PDE1A: variants seen among roughly 807,000 people sequenced by gnomAD.
The protein encoded by PDE1A is dual specificity calcium/calmodulin-dependent 3',5'-cyclic nucleotide phosphodiesterase 1A.
Under a neutral mutation model 61.7 loss-of-function variants are expected in PDE1A, and 35 were observed. The observed-to-expected ratio is 0.57, with a 90% confidence interval of 0.43 to 0.75. PDE1A has a LOEUF of 0.75. Among genes scored for constraint, PDE1A ranks in the 30% least tolerant of loss-of-function variants. The pLI is 0.00. For synonymous variants in PDE1A, 232 were observed against 213.2 expected (o/e 1.09, Z -0.77); for missense variants, 597 against 630.6 (o/e 0.95, Z 0.57).
In PDE1A at chr2:182,195,366, G is replaced by C. The variant is rs367568908; in HGVS notation, c.1125+6073C>G. Among the ~76,000 whole-genome samples the C allele has an allele frequency of 3.3e-5, 5 of 152,140 alleles. No individual in the cohort carries two copies. In the East Asian group the frequency reaches 7.7e-4, roughly 24 times the overall value. Reference sequence around the variant, plus strand: ...TGGGAAGTAGGCAGGATGGGAAAAGGTAAGAAGGTGTATAGAGACAGGAAG... The same window carrying C: ...TGGGAAGTAGGCAGGATGGGAAAAGCTAAGAAGGTGTATAGAGACAGGAAG... On this transcript the variant is annotated intron_variant, in intron 10 of 13. Transcript: ENST00000351439.
chr2:182,483,521 T>C (rs1687828817), intron 2 of PDE1A, among the ~76,000 whole-genome samples: 1 of 151,662 alleles, frequency 6.6e-6, no homozygotes, highest in South Asian at 2.1e-4. Context: ...ACTCCACAAA[T>C]ACATAAAAAA....
chr2:182,512,438 G>T (rs773918168), intron 2 of PDE1A, among the ~76,000 whole-genome samples: 5 of 152,084 alleles, frequency 3.3e-5, no homozygotes, highest in Non-Finnish European at 7.4e-5. Context: ...GAATATAAAA[G>T]CAAAAAGCCC....
intron 1 of PDE1A, among the ~76,000 whole-genome samples, chr2:182,313,462 T>G (rs1322917556): frequency 6.6e-6 from 1 of 152,162 alleles, no homozygotes; most frequent in African/African-American, 2.4e-5. Context: ...CAATCAGATG[T>G]TCAGCAAATA....
the PDE1A span, among the ~76,000 whole-genome samples, chr2:182,620,739 T>C: frequency 6.6e-6 from 1 of 152,208 alleles, no homozygotes; most frequent in Non-Finnish European, 1.5e-5. Context: ...ATTTTCTTTC[T>C]TTCCTCAAAT....
intron 13 of PDE1A, among the ~76,000 whole-genome samples, chr2:182,158,442 T>G (rs929834331): frequency 1.3e-5 from 2 of 152,184 alleles, no homozygotes; most frequent in Non-Finnish European, 2.9e-5. Flanking sequence ...TTTGATGAAG[T>G]TTTTGTTTAT....
the PDE1A span, among the ~76,000 whole-genome samples, chr2:182,713,353 T>C: frequency 1.3e-5 from 2 of 152,256 alleles, no homozygotes; most frequent in African/African-American, 4.8e-5. Flanking sequence ...CAGAGAACAG[T>C]AGACTACTTT....
chr2:182,445,276 G>A (rs570952559), intron 2 of PDE1A, among the ~76,000 whole-genome samples: 5 of 152,212 alleles, frequency 3.3e-5, no homozygotes, highest in African/African-American at 9.6e-5. Flanking sequence ...TCAAGATCTC[G>A]ACAGGGTTAA....
intron 10 of PDE1A, among the ~76,000 whole-genome samples, chr2:182,198,249 T>C (rs1165561116): frequency 6.6e-6 from 1 of 151,980 alleles, no homozygotes; most frequent in Non-Finnish European, 1.5e-5. Context: ...AACTCATTTA[T>C]TAATTCTAGT....
the PDE1A span, among the ~76,000 whole-genome samples, chr2:182,588,310 T>C: frequency 1.3e-5 from 2 of 152,342 alleles, no homozygotes; most frequent in South Asian, 2.1e-4. Context: ...CCAGGGATCT[T>C]TACTTTTGAT....
At chr2:182,383,419 A>T (rs1260298384) in intron 1 of PDE1A, among the ~76,000 whole-genome samples, 1 of 152,226 alleles carries the variant, frequency 6.6e-6, no homozygotes. Context: ...GGACAGAGAT[A>T]ATGTCATAAA....
intron 1 of PDE1A, among the ~76,000 whole-genome samples, chr2:182,325,992 C>T (rs529804975): frequency 6.6e-6 from 1 of 152,226 alleles, no homozygotes; most frequent in East Asian, 1.9e-4. Context: ...ATACACATTT[C>T]TCCAAAGCTA....
chr2:182,339,095 C>G (rs1231928554), intron 1 of PDE1A, among the ~76,000 whole-genome samples: 1 of 152,120 alleles, frequency 6.6e-6, no homozygotes, highest in Non-Finnish European at 1.5e-5. Flanking sequence ...CTTGCCCTAA[C>G]CTCAAGGCAT....
intron 2 of PDE1A, among the ~76,000 whole-genome samples, chr2:182,502,710 A>G: frequency 6.6e-6 from 1 of 152,004 alleles, no homozygotes; most frequent in Admixed American, 6.6e-5. Context: ...AAATTCAAAA[A>G]CCCTAAAAAT....
intron 2 of PDE1A, among the ~76,000 whole-genome samples, chr2:182,438,762 T>C (rs1248786989): frequency 1.3e-5 from 2 of 151,996 alleles, no homozygotes; most frequent in African/African-American, 4.8e-5. Context: ...GACCAAATTA[T>C]ATATGCCATA....
chr2:182,190,640 T>C (rs965587320), intron 10 of PDE1A, among the ~76,000 whole-genome samples: 4 of 152,112 alleles, frequency 2.6e-5, no homozygotes, highest in African/African-American at 9.7e-5. Flanking sequence ...TGACACTTAG[T>C]AGTCATTAAG....
chr2:182,429,920 C>T (rs7597921), upstream of PDE1A, among the ~76,000 whole-genome samples: 111,713 of 152,056 alleles, frequency 0.73, 41,458 homozygotes, highest in East Asian at 0.99. Flanking sequence ...AGTTTAAGCA[C>T]GTAAGTCTAG....
At chr2:182,504,336 A>G (rs995679456) in intron 2 of PDE1A, among the ~76,000 whole-genome samples, 1 of 152,252 alleles carries the variant, frequency 6.6e-6, no homozygotes, top group Non-Finnish European at 1.5e-5. Context: ...ATACTGGTAG[A>G]TACAACCAAA....
the PDE1A span, among the ~76,000 whole-genome samples, chr2:182,627,087 G>GATATATTATGTATATATAAAATATAAATA: frequency 3.4e-4 from 3 of 8,888 alleles, no homozygotes; most frequent in African/African-American, 7.3e-4. Context: ...TAATATAAAT[G>GATATATTATGTATATATAAAATATAAATA]ATATATTATG....
chr2:182,155,196 C>T (rs1330358201), intron 13 of PDE1A, among the ~76,000 whole-genome samples: 2 of 151,026 alleles, frequency 1.3e-5, no homozygotes, highest in Non-Finnish European at 2.9e-5. Flanking sequence ...AGTTGATCCT[C>T]CCAACTTCAG....
Sources: gnomAD v4.1 joint callset for allele counts (sites outside exome capture counted in the v4.1 genomes callset) on GRCh38, gnomAD v4.1.1 for gene constraint, MANE v1.5 for transcripts, NCBI Gene and HGNC (gene_info 2026-07-23, HGNC 2026-07-21) for gene names.